The following KIAA0825 variants were observed in gnomAD, a reference collection of about 807,000 sequenced individuals.
KIAA0825 encodes the protein uncharacterized protein KIAA0825.
A neutral mutation model predicts 147.6 loss-of-function variants in KIAA0825; 119 were observed. The ratio of observed to expected loss-of-function variants is 0.81; its 90% CI spans 0.69 to 0.94. The LOEUF is 0.94. Among genes scored for constraint, KIAA0825 ranks in the 40% least tolerant of loss-of-function variants. The pLI is 0.00. For synonymous variants in KIAA0825, 470 were observed against 518.1 expected, an observed-to-expected ratio of 0.91 and a Z score of 1.26; for missense variants, 1,381 against 1,472.7, an observed-to-expected ratio of 0.94 and a Z score of 1.02.
chr5:94,471,545 G>C lies in KIAA0825; in HGVS notation c.1642C>G (p.His548Asp). 6.4e-7 allele frequency: 1 copy of C among 1,551,996 alleles called. No individual in the cohort carries two copies. The highest frequency in any genetic ancestry group is 8.7e-7 in the Non-Finnish European group (1 of 1,147,062). Reference protein sequence around the residue: ...VPSKAPLKNLHTYLSTAVYVF... With the variant: ...VPSKAPLKNLDTYLSTAVYVF... The stretch of plus-strand genomic sequence containing the variant: ...TACACCGCTGTGGAGAGGTATGTGT[G>C]CAAGTTTTTCAGGGGTGCTTTGGAA... The change falls in exon 9 of 21, where the codon CAC becomes GAC. Residue 548 changes from histidine (H) to aspartate (D), a missense_variant. By Grantham distance (81) the His-to-Asp change is moderately conservative. Transcript: ENST00000682413.
chr5:94,396,557 A>G (rs1465638818), intron 16 of KIAA0825, 48 bp from the exon 17 acceptor site: 1 of 1,409,324 alleles, frequency 7.1e-7, no homozygotes, highest in East Asian at 2.5e-5. Context: ...TTTGCGTTCA[A>G]TCACTGCATG....
At chr5:94,568,133 T>A (rs2152315584) in intron 2 of KIAA0825, 1 of 161,962 alleles carries the variant, frequency 6.2e-6, no homozygotes, top group Non-Finnish European at 1.3e-5. Flanking sequence ...CCATGCTTTC[T>A]TCAAAGCCAT....
At chr5:94,391,438 A>C in intron 18 of KIAA0825, 97 bp downstream of exon 18, 2 of 1,160,952 alleles carry the variant, frequency 1.7e-6, no homozygotes, top group South Asian at 2.8e-5. Context: ...TGACTTTAAG[A>C]AGTATTATCA....
chr5:94,560,637 G>A (rs1777375603), intron 2 of KIAA0825, among the ~76,000 whole-genome samples: 1 of 152,054 alleles, frequency 6.6e-6, no homozygotes, highest in Admixed American at 6.6e-5. Context: ...GAAAATGTTC[G>A]CTGACCCCTG....
chr5:94,208,972 G>A (rs1462312632), intron 20 of KIAA0825, among the ~76,000 whole-genome samples: 2 of 152,204 alleles, frequency 1.3e-5, no homozygotes, highest in African/African-American at 4.8e-5. Context: ...TTTGTATGCA[G>A]TAGGTCTGAG....
chr5:94,287,099 C>G (rs915458989), intron 20 of KIAA0825, among the ~76,000 whole-genome samples: 25 of 152,080 alleles, frequency 1.6e-4, no homozygotes, highest in African/African-American at 6.0e-4. Flanking sequence ...AATACCTGTA[C>G]CTTGAATGGT....
chr5:94,473,411 G>A lies in KIAA0825; in HGVS notation c.1336C>T (p.Gln446Ter), dbSNP rs1049598759. The change falls in exon 8 of 21, where the codon CAG becomes TAG. Residue 446 changes from glutamine to a stop codon, truncating the protein, a stop_gained. Transcript: ENST00000682413. LOFTEE classifies it high-confidence loss of function. ...IEGFSTKILQ[Q>*]EQNERSSAVS... ...GCTGAAGACCTTTCATTCTGTTCCT[G>A]TTGGAGAATTTTTGTGGAAAAACCT... 1 of 1,551,988 alleles carries A rather than the reference G, an allele frequency of 6.4e-7. No homozygotes were observed. The highest frequency in any genetic ancestry group is 2.0e-5 in the Admixed American group (1 of 51,008).
chr5:94,514,211 T>C (rs1020076239), intron 5 of KIAA0825, among the ~76,000 whole-genome samples: 1 of 152,102 alleles, frequency 6.6e-6, no homozygotes, highest in Non-Finnish European at 1.5e-5. Flanking sequence ...CTGGTAAAAA[T>C]GGTATATGTA....
chr5:94,543,467 TAAAAA>T (rs1043614609), intron 2 of KIAA0825, among the ~76,000 whole-genome samples: 132 of 151,924 alleles, frequency 8.7e-4, no homozygotes, highest in African/African-American at 2.9e-3. Context: ...TAAATAAAAA[TAAAAA>T]TAAAATAAAA....
intron 20 of KIAA0825, among the ~76,000 whole-genome samples, chr5:94,292,526 TTTTATTGAGGA>T (rs1777944546): frequency 1.3e-5 from 2 of 152,230 alleles, no homozygotes; most frequent in Admixed American, 1.3e-4. Context: ...TTATTGAGGA[TTTTATTGAGGA>T]TTTATTGAGG....
chr5:94,224,156 C>T (rs1356830969), intron 20 of KIAA0825, among the ~76,000 whole-genome samples: 2 of 119,440 alleles, frequency 1.7e-5, no homozygotes, highest in Non-Finnish European at 3.2e-5. Context: ...TGCAGTGGCA[C>T]AATCTCGGCT....
intron 20 of KIAA0825, among the ~76,000 whole-genome samples, chr5:94,168,004 AC>A (rs1583726591): frequency 2.0e-5 from 3 of 150,338 alleles, no homozygotes; most frequent in Non-Finnish European, 4.4e-5. Context: ...ACTACTTAGA[AC>A]CCCCGAAACC....
At chr5:94,369,988 T>G (rs1395177065) in intron 20 of KIAA0825, among the ~76,000 whole-genome samples, 8 of 152,172 alleles carry the variant, frequency 5.3e-5, no homozygotes, top group African/African-American at 9.6e-5. Context: ...CTCCCACTCC[T>G]AGGTACTATC....
At chr5:94,399,721 T>C (rs1751134320) in intron 16 of KIAA0825, among the ~76,000 whole-genome samples, 3 of 152,094 alleles carry the variant, frequency 2.0e-5, no homozygotes, top group Non-Finnish European at 4.4e-5. Flanking sequence ...AGAAAATCTA[T>C]GTCTTAGGAT....
chr5:94,155,929 A>C lies in KIAA0825; in HGVS notation c.3711-1805T>G, dbSNP rs1766998036. Among the ~76,000 whole-genome samples the C allele has an allele frequency of 2.6e-5, 4 of 152,364 alleles. No individual in the cohort carries two copies. The South Asian group carries it at 6.2e-4, about 24-fold the overall frequency. On this transcript the variant is annotated intron_variant, in intron 20 of 20. Transcript: ENST00000682413. The stretch of plus-strand genomic sequence containing the variant: ...CACAAGATTTTCTTACACTGCTTTC[A>C]TGGAATTTTAATGATAAAAAGCTCT...
Position 94,328,640 on chromosome 5 carries a change from C to T in KIAA0825, c.3710+55728G>A, listed in dbSNP as rs558895550. ...ACTAATGTTTTGAACTACAATAGAT[C>T]GATAATAAAATACCCATTATAATAA... On this transcript the variant is annotated intron_variant, in intron 20 of 20. Transcript: ENST00000682413. Among the ~76,000 whole-genome samples the T allele has an allele frequency of 1.3e-4, 19 of 151,504 alleles. No homozygotes were observed. In the East Asian group the frequency reaches 3.3e-3, roughly 26 times the overall value.
chr5:94,315,418 G>A lies in KIAA0825; in HGVS notation c.3710+68950C>T, dbSNP rs186650230. On this transcript the variant is annotated intron_variant, in intron 20 of 20. Transcript: ENST00000682413. ...TTGGTTATTTCATTTTTTAAAAAGC[G>A]GGTGTAGAAATCCTTCTATAAATGT... is the stretch of plus-strand genomic sequence containing the variant. Among the ~76,000 whole-genome samples, 89 of 151,574 alleles carry A rather than the reference G, an allele frequency of 5.9e-4. 3 individuals are homozygous for A. In the South Asian group the frequency reaches 0.017, roughly 29 times the overall value.
chr5:94,531,755 A>G (rs187350500), intron 3 of KIAA0825, among the ~76,000 whole-genome samples: 78 of 152,324 alleles, frequency 5.1e-4, no homozygotes, highest in African/African-American at 1.7e-3. Context: ...AAGAAACCCA[A>G]AACTGAAGTG....
At chr5:94,298,205 G>A (rs564870195) in intron 20 of KIAA0825, among the ~76,000 whole-genome samples, 4 of 151,626 alleles carry the variant, frequency 2.6e-5, no homozygotes, top group Non-Finnish European at 2.9e-5. Context: ...CCGAGATTGC[G>A]CCACTGCACT....
Sources: allele counts gnomAD v4.1 joint callset (sites outside exome capture counted in the v4.1 genomes callset), GRCh38; gene constraint gnomAD v4.1.1; transcripts MANE v1.5; gene names NCBI Gene and HGNC (gene_info 2026-07-23, HGNC 2026-07-21).